The following AGAP1 variants were observed in gnomAD, a reference collection of about 807,000 sequenced individuals.
AGAP1 encodes the protein ArfGAP with GTPase domain, ankyrin repeat and PH domain 1.
In AGAP1, 29 loss-of-function variants were observed where a neutral mutation model predicts 105.3. That is an observed-to-expected ratio of 0.28 (90% CI 0.21 to 0.38). AGAP1 has a LOEUF of 0.38. Ranked by LOEUF, AGAP1 falls within the 10% of genes least tolerant of loss-of-function variation. The probability of loss-of-function intolerance (pLI) is 1.00; values close to 1 mark genes in which losing one functional copy is unlikely to be tolerated. For synonymous variants in AGAP1, 509 were observed against 485.9 expected (o/e 1.05, Z -0.63); for missense variants, 998 against 1,165.1 (o/e 0.86, Z 2.09).
intron 6 of AGAP1, among the ~76,000 whole-genome samples, chr2:235,785,794 G>A (rs539930829): frequency 2.0e-5 from 3 of 152,258 alleles, no homozygotes; most frequent in African/African-American, 7.2e-5. Context: ...TGTCTTCATA[G>A]TTTATCGTAT....
At chr2:235,759,115 G>A (rs943467366) in intron 6 of AGAP1, among the ~76,000 whole-genome samples, 3 of 150,120 alleles carry the variant, frequency 2.0e-5, no homozygotes, top group African/African-American at 7.4e-5. Context: ...TTTGATGCTG[G>A]TTTGGGAGAC....
intron 1 of AGAP1, among the ~76,000 whole-genome samples, chr2:235,616,006 AAGG>A (rs1422801581): frequency 6.6e-6 from 1 of 152,206 alleles, no homozygotes; most frequent in Non-Finnish European, 1.5e-5. Flanking sequence ...AGAAGAAACA[AAGG>A]AGCAATTAAG....
At chr2:235,516,507 T>G (rs1942392853) in intron 1 of AGAP1, among the ~76,000 whole-genome samples, 1 of 152,152 alleles carries the variant, frequency 6.6e-6, no homozygotes, top group Non-Finnish European at 1.5e-5. Flanking sequence ...CCTTTTGAAT[T>G]TGGAGCCTCT....
rs2055657828 is a variant in AGAP1, at chr2:235,993,393, T to C, written c.1645+24770T>C. Among the ~76,000 whole-genome samples, 1 of 152,216 alleles carries C rather than the reference T, an allele frequency of 6.6e-6. No homozygotes were observed. The highest frequency in any genetic ancestry group is 6.5e-5 in the Admixed American group (1 of 15,288). On this transcript the variant is annotated intron_variant, in intron 13 of 17. Coordinates refer to ENST00000304032, the MANE Select transcript of AGAP1 (RefSeq NM_001037131.3). The surrounding 1 kb of genome is among the most constrained non-coding windows in gnomAD (Gnocchi z 5.0). ...AGGCAGGAGACTCGTCTCAGATATT[T>C]CCTGGTGTCCCTGAAAGTCCAGCAC...
chr2:235,555,692 G>T lies in AGAP1; in HGVS notation c.163+60843G>T, dbSNP rs1943951201. On this transcript the variant is annotated intron_variant, in intron 1 of 17. Transcript: ENST00000304032. This position sits in a 1 kb window ranked among gnomAD's most constrained non-coding sequence, Gnocchi z 5.1. ...GCCCAAACCACATTTTTGAACTTCT[G>T]CTTTGGCCTTGTCAGTCTCCTTCTG... 6.6e-6 allele frequency among the ~76,000 whole-genome samples: 1 copy of T among 152,210 alleles called. No individual in the cohort carries two copies. The highest frequency in any genetic ancestry group is 2.4e-5 in the African/African-American group (1 of 41,462).
In AGAP1 at chr2:235,822,979, G is replaced by T. The variant is rs796251359; in HGVS notation, c.1050+15648G>T. 3.3e-5 allele frequency among the ~76,000 whole-genome samples: 5 copies of T among 152,122 alleles called. No individual in the cohort carries two copies. In the South Asian group the frequency reaches 8.3e-4, roughly 25 times the overall value. On this transcript the variant is annotated intron_variant, in intron 9 of 17. Coordinates refer to ENST00000304032, the MANE Select transcript of AGAP1 (RefSeq NM_001037131.3). ...CAATTCAAGTGCTACTGTGATCCAG[G>T]TGTGGCTCGCTGTTTAGGTAAAGAA...
chr2:235,802,388 A>G (rs1032809649), intron 8 of AGAP1, among the ~76,000 whole-genome samples: 1 of 152,240 alleles, frequency 6.6e-6, no homozygotes, highest in Non-Finnish European at 1.5e-5. Flanking sequence ...TGGTCTGCCT[A>G]TGGATCTAAG....
At chr2:235,895,664 A>G (rs1207175035) in intron 10 of AGAP1, among the ~76,000 whole-genome samples, 1 of 151,968 alleles carries the variant, frequency 6.6e-6, no homozygotes, top group Non-Finnish European at 1.5e-5. Context: ...TGTATATGTC[A>G]CCAATGTATC....
At chr2:235,617,153 A>G (rs1046021227) in intron 1 of AGAP1, among the ~76,000 whole-genome samples, 5 of 152,098 alleles carry the variant, frequency 3.3e-5, no homozygotes, top group Non-Finnish European at 5.9e-5. Flanking sequence ...ATGTAGGGGG[A>G]AAAATGTTCT....
intron 16 of AGAP1, among the ~76,000 whole-genome samples, chr2:236,088,697 G>A (rs1267010865): frequency 7.2e-5 from 11 of 152,128 alleles, no homozygotes; most frequent in African/African-American, 1.2e-4. Context: ...AGTCCAGAGC[G>A]GTCTACATAG....
chr2:235,868,632 C>T (rs1423185169), intron 9 of AGAP1, among the ~76,000 whole-genome samples: 1 of 152,182 alleles, frequency 6.6e-6, no homozygotes, highest in Non-Finnish European at 1.5e-5. Flanking sequence ...TTAAGACCCC[C>T]AGTCTCTAAT....
At chr2:236,048,843 G>C (rs1576168110) in intron 15 of AGAP1, among the ~76,000 whole-genome samples, 1 of 152,218 alleles carries the variant, frequency 6.6e-6, no homozygotes, top group African/African-American at 2.4e-5. Flanking sequence ...CAAGGCTTTG[G>C]CTTCAGCCAA....
rs958562099 is a variant in AGAP1, at chr2:235,769,557, A to C, written c.673+19069A>C. ...AAATGGTTGTTAAAGAAATGCAAACAGTTAGTTGTTCCGTTCATGCTGTTG... is the reference window on the plus strand; with the variant it reads ...AAATGGTTGTTAAAGAAATGCAAACCGTTAGTTGTTCCGTTCATGCTGTTG... On this transcript the variant is annotated intron_variant, in intron 6 of 17. Transcript: ENST00000304032. This position sits in a 1 kb window ranked among gnomAD's most constrained non-coding sequence, Gnocchi z 4.4. Among the ~76,000 whole-genome samples the C allele has an allele frequency of 5.3e-5, 8 of 152,222 alleles. No individual in the cohort carries two copies. Among genetic ancestry groups the C allele is most frequent in the Admixed American group, 3.9e-4 (6 of 15,284 alleles).
At position 235,700,355 on chromosome 2, in the gene AGAP1, C is replaced by T. The variant is rs144791870; in HGVS notation, c.164-8824C>T. On this transcript the variant is annotated intron_variant, in intron 1 of 17. Coordinates refer to ENST00000304032, the MANE Select transcript of AGAP1 (RefSeq NM_001037131.3). This position sits in a 1 kb window ranked among gnomAD's most constrained non-coding sequence, Gnocchi z 6.1. ...GCAATTTTCTTCCTTGCCGTTTTGA[C>T]TTTCAAATCCTCACGCCCTCTGCTT... Among the ~76,000 whole-genome samples, 1 of 152,314 alleles carries T rather than the reference C, an allele frequency of 6.6e-6. No individual in the cohort carries two copies. Among genetic ancestry groups the T allele is most frequent in the East Asian group, 1.9e-4 (1 of 5,188 alleles).
intron 5 of AGAP1, among the ~76,000 whole-genome samples, chr2:235,748,436 T>C (rs1199835530): frequency 6.6e-6 from 1 of 152,234 alleles, no homozygotes; most frequent in East Asian, 1.9e-4. Context: ...AAAAAAACTT[T>C]CTTTTCTTAA....
intron 6 of AGAP1, among the ~76,000 whole-genome samples, chr2:235,756,782 G>C (rs1182616327): frequency 6.6e-6 from 1 of 152,170 alleles, no homozygotes; most frequent in African/African-American, 2.4e-5. Flanking sequence ...GCATGCGTGA[G>C]ATCTAGGTTA....
Position 235,850,508 on chromosome 2 carries a change from T to C in AGAP1, c.1051-32837T>C, listed in dbSNP as rs2048393671. Among the ~76,000 whole-genome samples, 2 of 152,200 alleles carry C rather than the reference T, an allele frequency of 1.3e-5. 1 individual carries two copies. Among genetic ancestry groups the C allele is most frequent in the South Asian group, 4.1e-4 (2 of 4,836 alleles). ...CTCTGCCACCCCGCATTAGTGTCCATGCACCTTGGTGGAGAAGTCGCTCTG... is the reference window on the plus strand; with the variant it reads ...CTCTGCCACCCCGCATTAGTGTCCACGCACCTTGGTGGAGAAGTCGCTCTG... On this transcript the variant is annotated intron_variant, in intron 9 of 17. Coordinates refer to ENST00000304032, the MANE Select transcript of AGAP1 (RefSeq NM_001037131.3).
rs115806719 is a variant in AGAP1, at chr2:235,978,626, A to G, written c.1645+10003A>G. Among the ~76,000 whole-genome samples, 447 of 152,232 alleles carry G rather than the reference A, an allele frequency of 2.9e-3. 1 individual carries two copies. The highest frequency in any genetic ancestry group is 4.9e-3 in the Non-Finnish European group (330 of 68,016). On this transcript the variant is annotated intron_variant, in intron 13 of 17. Coordinates refer to ENST00000304032, the MANE Select transcript of AGAP1 (RefSeq NM_001037131.3). ...TGGCCTCTGGGACTTGGAAGTCTGTATTTTGCTTTGCATTTCATCTGTTAA... is the reference window on the plus strand; with the variant it reads ...TGGCCTCTGGGACTTGGAAGTCTGTGTTTTGCTTTGCATTTCATCTGTTAA...
chr2:235,881,891 A>G (rs1349612393), intron 9 of AGAP1, among the ~76,000 whole-genome samples: 1 of 152,214 alleles, frequency 6.6e-6, no homozygotes, highest in Non-Finnish European at 1.5e-5. Flanking sequence ...AGTAAATTAC[A>G]TGGGATTCAT....
Sources: gnomAD v4.1 joint callset for allele counts (sites outside exome capture counted in the v4.1 genomes callset) on GRCh38, gnomAD v4.1.1 for gene constraint, Gnocchi (gnomAD v3.1) non-coding constraint, MANE v1.5 for transcripts, NCBI Gene and HGNC (gene_info 2026-07-23, HGNC 2026-07-21) for gene names.